The following TPTE variants were observed in gnomAD, a reference collection of about 807,000 sequenced individuals.
TPTE encodes the protein putative tyrosine-protein phosphatase TPTE.
A neutral mutation model predicts 84.1 loss-of-function variants in TPTE; 59 were observed. That is an observed-to-expected ratio of 0.70 (90% CI 0.57 to 0.87). The LOEUF (loss-of-function observed/expected upper bound fraction) is 0.87, where lower values mean the gene tolerates loss of function less well. TPTE is among the 40% of genes least tolerant of loss of function. The pLI is 0.00. For missense variants in TPTE, 382 were observed against 659.6 expected, an observed-to-expected ratio of 0.58 and a Z score of 4.61; for synonymous variants, 130 against 223.5, an observed-to-expected ratio of 0.58 and a Z score of 3.73.
At chr21:10,526,608 G>C (rs1037814308) in intron 2 of TPTE, among the ~76,000 whole-genome samples, 8 of 152,300 alleles carry the variant, frequency 5.3e-5, no homozygotes, top group African/African-American at 1.7e-4. Flanking sequence ...GAAAATTGTG[G>C]TGAAGAGCAT....
At chr21:10,570,362 A>T in intron 13 of TPTE, 123 bp from the exon 14 acceptor site, 2 of 1,525,798 alleles carry the variant, frequency 1.3e-6, no homozygotes, top group South Asian at 2.4e-5. Context: ...CTTTTCTGTC[A>T]ACCTCAATCT....
intron 14 of TPTE, among the ~76,000 whole-genome samples, chr21:10,571,158 CTGAA>C: frequency 6.6e-6 from 1 of 152,310 alleles, no homozygotes; most frequent in East Asian, 1.9e-4. Context: ...GAGAACTAAT[CTGAA>C]TGATGGCTCT....
chr21:10,580,124 CATT>C (rs2075244977), intron 17 of TPTE, among the ~76,000 whole-genome samples: 1 of 152,428 alleles, frequency 6.6e-6, no homozygotes, highest in Admixed American at 6.5e-5. Flanking sequence ...AGCATTTTCT[CATT>C]ATACCTCTTG....
intron 1 of TPTE, among the ~76,000 whole-genome samples, chr21:10,522,488 A>G (rs1600843013): frequency 6.6e-6 from 1 of 152,310 alleles, no homozygotes; most frequent in South Asian, 2.1e-4. Context: ...GTCCCCAGCG[A>G]TGCCCCGGGA....
In TPTE at chr21:10,541,135, G is replaced by C. The variant is rs760917517; in HGVS notation, c.35G>C (p.Gly12Ala). Residue 12 changes from glycine to alanine, a missense_variant, in exon 5 of 24, where the codon GGA becomes GCA. This residue lies in a region of TPTE where 63 missense variants were observed against 49.5 expected (regional missense o/e 1.27). Transcript: ENST00000618007. Reference sequence around the variant, plus strand: ...AGTCCTGATCCGACTGACCTGGCGGGAGTCATCATTGAGCTCGGCCCCAAT... The same window carrying C: ...AGTCCTGATCCGACTGACCTGGCGGCAGTCATCATTGAGCTCGGCCCCAAT... ...NESPDPTDLA[G>A]VIIELGPNDS... 1.2e-6 allele frequency: 2 copies of C among 1,613,240 alleles called. No individual in the cohort carries two copies. Among genetic ancestry groups the C allele is most frequent in the Admixed American group, 1.7e-5 (1 of 59,988 alleles).
intron 1 of TPTE, among the ~76,000 whole-genome samples, chr21:10,523,999 T>C (rs372934356): frequency 0.019 from 2,877 of 151,214 alleles, no homozygotes; most frequent in African/African-American, 0.057. Flanking sequence ...TTTCAAAGAA[T>C]AGTATGTTTT....
At chr21:10,551,438 A>C (rs2074571985) in intron 7 of TPTE, among the ~76,000 whole-genome samples, 2 of 152,298 alleles carry the variant, frequency 1.3e-5, no homozygotes, top group African/African-American at 4.8e-5. Context: ...AGTATAAAAA[A>C]AAAAGTATAT....
chr21:10,525,522 A>G (rs1240383212), intron 2 of TPTE, among the ~76,000 whole-genome samples: 2 of 152,300 alleles, frequency 1.3e-5, no homozygotes, highest in East Asian at 3.8e-4. Flanking sequence ...CTTGCTACTG[A>G]ATGTTTTGTT....
chr21:10,558,627 C>T (rs535081250), intron 8 of TPTE, among the ~76,000 whole-genome samples: 1 of 152,420 alleles, frequency 6.6e-6, no homozygotes, highest in South Asian at 2.1e-4. Flanking sequence ...CTTTGTTCTC[C>T]CGTCTTAGGC....
chr21:10,574,543 A>G (rs1165264262), intron 14 of TPTE, among the ~76,000 whole-genome samples: 2 of 152,294 alleles, frequency 1.3e-5, no homozygotes, highest in Admixed American at 6.5e-5. Flanking sequence ...CGCGCTCACA[A>G]AGAGGAATGA....
intron 14 of TPTE, among the ~76,000 whole-genome samples, chr21:10,573,140 A>T (rs1455166531): frequency 3.9e-5 from 6 of 152,292 alleles, no homozygotes; most frequent in Admixed American, 3.9e-4. Flanking sequence ...ACTGGAAGTG[A>T]AGGGATAGAA....
chr21:10,579,029 G>T lies in TPTE; in HGVS notation c.1027+424G>T, dbSNP rs1218219441. Among the ~76,000 whole-genome samples, 393 of 151,118 alleles carry T rather than the reference G, an allele frequency of 2.6e-3. No homozygotes were observed. In the Admixed American group the frequency reaches 0.026, roughly 10 times the overall value. On this transcript the variant is annotated intron_variant, in intron 17 of 23. Coordinates refer to ENST00000618007, the MANE Select transcript of TPTE (RefSeq NM_199261.4). The stretch of plus-strand genomic sequence containing the variant: ...TTTATGGTGTACAACATGATGTTTT[G>T]ATATAGGTAAACATTGTGAAATGGC...
chr21:10,527,258 A>G (rs1462962041), intron 2 of TPTE, 97 bp from the exon 3 acceptor site: 3 of 152,656 alleles, frequency 2.0e-5, no homozygotes, highest in Non-Finnish European at 2.9e-5. Context: ...CTCCGATTTT[A>G]TTTTTTGTGT....
intron 17 of TPTE, among the ~76,000 whole-genome samples, chr21:10,587,433 T>C (rs2145761465): frequency 6.6e-6 from 1 of 152,426 alleles, no homozygotes; most frequent in Admixed American, 6.5e-5. Context: ...TGAGCACCCA[T>C]TGTTTAGCTT....
At chr21:10,580,782 C>G (rs143217781) in intron 17 of TPTE, among the ~76,000 whole-genome samples, 4,233 of 145,730 alleles carry the variant, frequency 0.029, no homozygotes, top group Middle Eastern at 0.071. Flanking sequence ...AGGGAGCCAA[C>G]AGAGATGCTA....
chr21:10,558,938 C>T (rs1459669781), intron 8 of TPTE, among the ~76,000 whole-genome samples: 1 of 152,304 alleles, frequency 6.6e-6, no homozygotes, highest in African/African-American at 2.4e-5. Context: ...GGGTGTTTCT[C>T]CTTTGAAGTA....
chr21:10,550,148 T>TA (rs2074545853), intron 7 of TPTE, among the ~76,000 whole-genome samples: 1 of 152,310 alleles, frequency 6.6e-6, no homozygotes, highest in African/African-American at 2.4e-5. Context: ...AGACCAACAT[T>TA]ACAAGAAATG....
intron 10 of TPTE, among the ~76,000 whole-genome samples, chr21:10,564,284 T>A (rs940287754): frequency 1.3e-5 from 2 of 152,216 alleles, no homozygotes; most frequent in African/African-American, 4.8e-5. Context: ...CAGAGGCGGG[T>A]GGTTTACTGG....
At chr21:10,542,257 C>G in intron 5 of TPTE, 138 bp from the exon 6 acceptor site, 1 of 1,079,956 alleles carries the variant, frequency 9.3e-7, no homozygotes, top group Non-Finnish European at 1.4e-6. Context: ...AAAAGACATT[C>G]CAGGTTCCAG....
Sources: gnomAD v4.1 joint callset for allele counts (sites outside exome capture counted in the v4.1 genomes callset) on GRCh38, gnomAD v4.1.1 for gene constraint, gnomAD v4.1.1 regional missense constraint, MANE v1.5 for transcripts, NCBI Gene and HGNC (gene_info 2026-07-23, HGNC 2026-07-21) for gene names.